HOMER2: variants seen among roughly 807,000 people sequenced by gnomAD.
HOMER2 encodes homer scaffold protein 2.
Under a neutral mutation model 47.0 loss-of-function variants are expected in HOMER2, and 27 were observed. The observed-to-expected ratio is 0.57, with a 90% CI of 0.42 to 0.79. The LOEUF (loss-of-function observed/expected upper bound fraction) is 0.79, where lower values mean the gene tolerates loss of function less well. HOMER2 is among the 30% of genes least tolerant of loss of function. The probability of loss-of-function intolerance (pLI) is 0.00; values close to 1 mark genes in which losing one functional copy is unlikely to be tolerated. For synonymous variants in HOMER2, 161 were observed against 163.8 expected (o/e 0.98, Z 0.13); for missense variants, 443 against 435.0 (o/e 1.02, Z -0.16).
chr15:82,931,634 C>A (rs952733322), intron 1 of HOMER2, among the ~76,000 whole-genome samples: 1 of 151,128 alleles, frequency 6.6e-6, no homozygotes, highest in East Asian at 1.9e-4. Flanking sequence ...GTCAGGAGAT[C>A]GAGACCATCC....
At chr15:82,978,104 C>T (rs1436244012) in intron 1 of HOMER2, among the ~76,000 whole-genome samples, 5 of 152,104 alleles carry the variant, frequency 3.3e-5, no homozygotes, top group Non-Finnish European at 7.4e-5. Context: ...GAGTCGAGAT[C>T]GTGCCTCTGC....
intron 1 of HOMER2, among the ~76,000 whole-genome samples, chr15:82,921,726 G>C (rs909838488): frequency 3.3e-5 from 5 of 152,164 alleles, no homozygotes; most frequent in African/African-American, 1.2e-4. Context: ...CTCTGGGGTT[G>C]TGCAGGGCAG....
intron 2 of HOMER2, 84 bp downstream of exon 2, chr15:82,892,601 T>C (rs2052748034): frequency 7.7e-6 from 8 of 1,036,030 alleles, no homozygotes; most frequent in Non-Finnish European, 1.1e-5. Context: ...CAATAACTTA[T>C]GTGTTAAGAC....
rs907915291 is a variant in HOMER2 at position 82,913,355 on chromosome 15, C to A, written c.6-20514G>T. Among the ~76,000 whole-genome samples the A allele has an allele frequency of 2.6e-5, 4 of 151,966 alleles. No individual in the cohort carries two copies. Among genetic ancestry groups the A allele is most frequent in the Non-Finnish European group, 5.9e-5 (4 of 68,004 alleles). On this transcript the variant is annotated intron_variant, in intron 1 of 8. Transcript: ENST00000450735. This position sits in a 1 kb window ranked among gnomAD's most constrained non-coding sequence, Gnocchi z 4.1. ...CAAACATTGCCTGATGTAGTCTGAT[C>A]ATCTTGAAGAAGCCTGAGCTACACG... is the stretch of plus-strand genomic sequence containing the variant.
intron 1 of HOMER2, among the ~76,000 whole-genome samples, chr15:82,917,141 A>T (rs1310667254): frequency 6.6e-6 from 1 of 152,168 alleles, no homozygotes; most frequent in Admixed American, 6.5e-5. Flanking sequence ...TCTAACTCAC[A>T]GTTAACCCAC....
At chr15:82,899,439 A>G (rs1165518418) in intron 1 of HOMER2, among the ~76,000 whole-genome samples, 2 of 152,260 alleles carry the variant, frequency 1.3e-5, no homozygotes, top group Non-Finnish European at 1.5e-5. Flanking sequence ...CCAAATCCTC[A>G]GAACCCAGAA....
chr15:82,901,304 G>A (rs969341866), intron 1 of HOMER2, among the ~76,000 whole-genome samples: 1 of 152,168 alleles, frequency 6.6e-6, no homozygotes, highest in Non-Finnish European at 1.5e-5. Context: ...ACAGGCAAAG[G>A]GGTGCAGAGG....
At chr15:82,841,816 T>C (rs189791513) in exon 2 of HOMER2, 7 of 152,326 alleles carry the variant, frequency 4.6e-5, no homozygotes, top group Non-Finnish European at 7.3e-5. Flanking sequence ...TACTCTCTTA[T>C]GCAGAGGTAA....
intron 1 of HOMER2, among the ~76,000 whole-genome samples, chr15:82,911,236 TAAGAA>T (rs1014639719): frequency 1.3e-5 from 2 of 152,202 alleles, no homozygotes; most frequent in African/African-American, 4.8e-5. Context: ...TTTTATAACT[TAAGAA>T]AATTGTTCAA....
chr15:82,882,571 G>A (rs886839941), intron 2 of HOMER2, among the ~76,000 whole-genome samples: 2 of 152,216 alleles, frequency 1.3e-5, no homozygotes, highest in East Asian at 1.9e-4. Flanking sequence ...GGGGAAGAAG[G>A]AAATGTCTTC....
intron 3 of HOMER2, among the ~76,000 whole-genome samples, chr15:82,869,749 C>T (rs1266435628): frequency 2.6e-5 from 4 of 152,272 alleles, no homozygotes; most frequent in East Asian, 1.9e-4. Context: ...TGAGCCATCA[C>T]GCCCAGCCTC....
At chr15:82,921,213 G>C (rs778098245) in intron 1 of HOMER2, among the ~76,000 whole-genome samples, 1 of 152,080 alleles carries the variant, frequency 6.6e-6, no homozygotes, top group East Asian at 1.9e-4. Context: ...ACTTGAACCC[G>C]GGAGGCGGAG....
intron 3 of HOMER2, among the ~76,000 whole-genome samples, chr15:82,874,880 T>G (rs1262906618): frequency 6.6e-6 from 1 of 152,208 alleles, no homozygotes; most frequent in Non-Finnish European, 1.5e-5. Flanking sequence ...CCGATAACTG[T>G]GCCCTCACAC....
chr15:82,866,663 G>C (rs1318542104), intron 3 of HOMER2, among the ~76,000 whole-genome samples: 1 of 152,098 alleles, frequency 6.6e-6, no homozygotes, highest in Non-Finnish European at 1.5e-5. Context: ...CATCGGGGCG[G>C]GTCTCTCCTG....
At chr15:82,856,325 GCT>G (rs2051584675) in intron 5 of HOMER2, among the ~76,000 whole-genome samples, 1 of 152,092 alleles carries the variant, frequency 6.6e-6, no homozygotes, top group African/African-American at 2.4e-5. Context: ...ACCAAAAACA[GCT>G]CTCAGTTGGG....
chr15:82,867,389 A>C (rs2052008534), intron 3 of HOMER2, among the ~76,000 whole-genome samples: 1 of 151,784 alleles, frequency 6.6e-6, no homozygotes. Context: ...AAACTAAACC[A>C]GAAGGGAAAC....
chr15:82,936,721 T>C (rs1160474136), intron 1 of HOMER2, among the ~76,000 whole-genome samples: 2 of 151,964 alleles, frequency 1.3e-5, no homozygotes, highest in Non-Finnish European at 2.9e-5. Flanking sequence ...TGTAGGTGCA[T>C]GCCACCATGC....
chr15:82,935,683 A>G (rs2054126689), intron 1 of HOMER2, among the ~76,000 whole-genome samples: 1 of 152,048 alleles, frequency 6.6e-6, no homozygotes, highest in Non-Finnish European at 1.5e-5. Context: ...TAAAACCCAA[A>G]GGGGCCTTCT....
At chr15:82,955,012 G>A (rs548303417), upstream of HOMER2, among the ~76,000 whole-genome samples, 4 of 152,110 alleles carry the variant, frequency 2.6e-5, no homozygotes, top group African/African-American at 7.2e-5. Context: ...TCTTGACCTC[G>A]TGATCGGCCC....
Sources: gnomAD v4.1 joint callset for allele counts (sites outside exome capture counted in the v4.1 genomes callset) on GRCh38, gnomAD v4.1.1 for gene constraint, Gnocchi (gnomAD v3.1) non-coding constraint, MANE v1.5 for transcripts, NCBI Gene and HGNC (gene_info 2026-07-23, HGNC 2026-07-21) for gene names.